Variants in ZNF277 observed in about 807,000 individuals in gnomAD.
ZNF277 encodes nuclear receptor-interacting factor 4.
Under a neutral mutation model 60.7 loss-of-function variants are expected in ZNF277, and 55 were observed. The observed-to-expected ratio is 0.91, with a 90% CI of 0.73 to 1.13. ZNF277 has a LOEUF of 1.13. Ranked by LOEUF, ZNF277 falls within the 50% of genes most tolerant of loss-of-function variation. ZNF277 has a pLI of 0.00. For missense variants in ZNF277, 510 were observed against 523.0 expected, an observed-to-expected ratio of 0.98 and a Z score of 0.24; for synonymous variants, 178 against 179.3, an observed-to-expected ratio of 0.99 and a Z score of 0.06.
At chr7:112,255,404 T>A (rs189994493) in intron 1 of ZNF277, among the ~76,000 whole-genome samples, 24 of 152,266 alleles carry the variant, frequency 1.6e-4, no homozygotes, top group African/African-American at 5.3e-4. Flanking sequence ...GTATTAAAGT[T>A]AAGTATTAAA....
intron 1 of ZNF277, among the ~76,000 whole-genome samples, chr7:112,255,319 T>C (rs1791284377): frequency 6.6e-6 from 1 of 152,210 alleles, no homozygotes; most frequent in Admixed American, 6.5e-5. Context: ...AAGTTAACTT[T>C]ATCACATAAA....
intron 2 of ZNF277, among the ~76,000 whole-genome samples, chr7:112,291,072 A>C (rs1037565842): frequency 4.6e-5 from 7 of 152,136 alleles, no homozygotes; most frequent in Non-Finnish European, 1.5e-5. Flanking sequence ...TAACACTAAA[A>C]CTTCCTGGGG....
At chr7:112,258,078 T>G (rs1791365047) in intron 1 of ZNF277, among the ~76,000 whole-genome samples, 1 of 152,144 alleles carries the variant, frequency 6.6e-6, no homozygotes, top group African/African-American at 2.4e-5. Flanking sequence ...GTCTACTCTA[T>G]TCATTTTAAT....
At chr7:112,309,156 G>A (rs926123268) in intron 4 of ZNF277, among the ~76,000 whole-genome samples, 1 of 151,830 alleles carries the variant, frequency 6.6e-6, no homozygotes, top group Non-Finnish European at 1.5e-5. Flanking sequence ...ATTTTGGGGT[G>A]GCATGTTCTG....
chr7:112,276,300 A>G (rs1791792232), intron 1 of ZNF277, among the ~76,000 whole-genome samples: 1 of 152,218 alleles, frequency 6.6e-6, no homozygotes, highest in Admixed American at 6.5e-5. Flanking sequence ...ATATTTTGGT[A>G]GGATAGTTGC....
In ZNF277 at chr7:112,340,901, G is replaced by A. The variant is rs762709994; in HGVS notation, c.1039G>A (p.Val347Ile). The change falls in exon 11 of 12, where the codon GTC (valine) becomes ATC (isoleucine). Residue 347 changes from valine to isoleucine, a missense_variant. Val to Ile is a conservative substitution (Grantham distance 29, BLOSUM62 3). Transcript: ENST00000361822. Reference sequence around the variant, plus strand: ...AAATTTCTATCAGCAAGTGAAACTGGTCAATTTTATTCGGAGGCAAGTTCA... The same window carrying A: ...AAATTTCTATCAGCAAGTGAAACTGATCAATTTTATTCGGAGGCAAGTTCA... Reference protein sequence around the residue: ...GLNFYQQVKLVNFIRRQVHQC... With the variant: ...GLNFYQQVKLINFIRRQVHQC... 1.2e-6 allele frequency: 2 copies of A among 1,610,244 alleles called. No individual in the cohort carries two copies. The highest frequency in any genetic ancestry group is 1.7e-6 in the Non-Finnish European group (2 of 1,178,726).
intron 8 of ZNF277, among the ~76,000 whole-genome samples, chr7:112,337,277 G>A (rs187672148): frequency 3.5e-4 from 53 of 152,250 alleles, no homozygotes; most frequent in South Asian, 2.5e-3. Context: ...TATTTCCCTC[G>A]TGAAAGAGAC....
At chr7:112,244,395 T>C (rs1791032027) in intron 1 of ZNF277, among the ~76,000 whole-genome samples, 1 of 152,186 alleles carries the variant, frequency 6.6e-6, no homozygotes, top group Admixed American at 6.5e-5. Context: ...CTCGTATTTC[T>C]GATAGTAAGC....
Position 112,295,943 on chromosome 7 carries a change from C to T in ZNF277, c.368C>T (p.Ser123Phe), listed in dbSNP as rs755748617. The change falls in exon 3 of 12, where the codon TCC becomes TTC. Residue 123 changes from serine to phenylalanine, a missense_variant. Transcript: ENST00000361822. ...TDFCSVIRIN[S>F]TAPFEEQENY... ...TTTTGTAGTGTAATAAGAATTAATT[C>T]CACTGCTCCATTTGGTAAGTGTACA... 1 of 1,610,240 alleles carries T rather than the reference C, an allele frequency of 6.2e-7. No individual in the cohort carries two copies. Among genetic ancestry groups the T allele is most frequent in the Non-Finnish European group, 8.5e-7 (1 of 1,176,852 alleles).
chr7:112,215,357 A>C (rs566555741), intron 1 of ZNF277, among the ~76,000 whole-genome samples: 21 of 152,380 alleles, frequency 1.4e-4, no homozygotes, highest in Non-Finnish European at 2.4e-4. Flanking sequence ...GAACTGTTAA[A>C]TATACCTTTA....
At chr7:112,225,572 C>G (rs1160834263) in intron 1 of ZNF277, among the ~76,000 whole-genome samples, 1 of 152,030 alleles carries the variant, frequency 6.6e-6, no homozygotes, top group Non-Finnish European at 1.5e-5. Context: ...ATAGTTGTTT[C>G]TACAAATAGG....
At chr7:112,310,752 T>C (rs992670784) in intron 4 of ZNF277, among the ~76,000 whole-genome samples, 4 of 152,138 alleles carry the variant, frequency 2.6e-5, no homozygotes, top group Non-Finnish European at 4.4e-5. Flanking sequence ...AGATTTGTTG[T>C]GTTCTATATT....
intron 5 of ZNF277, among the ~76,000 whole-genome samples, chr7:112,327,439 C>T (rs969563981): frequency 2.0e-5 from 3 of 151,902 alleles, no homozygotes; most frequent in Admixed American, 6.5e-5. Context: ...GGCCATGGAC[C>T]GATACCCCTG....
chr7:112,306,462 G>A (rs920443766), intron 4 of ZNF277, among the ~76,000 whole-genome samples: 5 of 151,976 alleles, frequency 3.3e-5, no homozygotes, highest in Non-Finnish European at 7.4e-5. Flanking sequence ...TGATTGGCCC[G>A]CCTCGGCCTC....
At chr7:112,221,129 G>T in intron 1 of ZNF277, among the ~76,000 whole-genome samples, 1 of 152,198 alleles carries the variant, frequency 6.6e-6, no homozygotes, top group East Asian at 1.9e-4. Context: ...GATCCAGCGA[G>T]GTGCCCATTG....
At chr7:112,312,123 G>T (rs552320689) in intron 4 of ZNF277, among the ~76,000 whole-genome samples, 1 of 152,056 alleles carries the variant, frequency 6.6e-6, no homozygotes, top group Non-Finnish European at 1.5e-5. Context: ...TTATTATCTG[G>T]TAGACTACAT....
intron 1 of ZNF277, among the ~76,000 whole-genome samples, chr7:112,238,593 G>A (rs760843690): frequency 6.6e-6 from 1 of 151,132 alleles, no homozygotes; most frequent in Non-Finnish European, 1.5e-5. Flanking sequence ...GGAGGTGTTC[G>A]CGTCACCCCA....
intron 2 of ZNF277, among the ~76,000 whole-genome samples, chr7:112,293,106 T>C (rs1269547487): frequency 6.6e-6 from 1 of 152,164 alleles, no homozygotes; most frequent in African/African-American, 2.4e-5. Flanking sequence ...TAACTTTAAG[T>C]TCAGGTTCAT....
At chr7:112,296,374 A>G (rs1792330624) in intron 4 of ZNF277, 63 bp downstream of exon 4, 2 of 804,376 alleles carry the variant, frequency 2.5e-6, no homozygotes, top group Non-Finnish European at 3.7e-6. Flanking sequence ...ATATAAAATC[A>G]TATTGGTTTT....
Sources: gnomAD v4.1 joint callset for allele counts (sites outside exome capture counted in the v4.1 genomes callset) on GRCh38, gnomAD v4.1.1 for gene constraint, MANE v1.5 for transcripts, NCBI Gene and HGNC (gene_info 2026-07-23, HGNC 2026-07-21) for gene names.